Variants in PDE9A observed in about 807,000 individuals in gnomAD.
The protein encoded by PDE9A is phosphodiesterase 9A.
Under a neutral mutation model 87.4 loss-of-function variants are expected in PDE9A, and 60 were observed. That is an observed-to-expected ratio of 0.69 (90% CI 0.56 to 0.85). The LOEUF is 0.85. PDE9A is among the 40% of genes least tolerant of loss of function. PDE9A has a pLI of 0.00. For missense variants in PDE9A, 665 were observed against 779.0 expected, an observed-to-expected ratio of 0.85 and a Z score of 1.74; for synonymous variants, 272 against 279.4, an observed-to-expected ratio of 0.97 and a Z score of 0.27.
Position 42,708,636 on chromosome 21 carries a change from C to T in PDE9A, c.262+9625C>T, listed in dbSNP as rs533747496. 6.6e-5 allele frequency among the ~76,000 whole-genome samples: 10 copies of T among 152,344 alleles called. No homozygotes were observed. In the East Asian group the frequency reaches 1.9e-3, roughly 29 times the overall value. ...GTGGCGCGATCTCGGCTCACTGCAA[C>T]TTCTGCCTCCTGGGTTCAAGCAATT... On this transcript the variant is annotated intron_variant, in intron 4 of 19. Transcript: ENST00000291539.
At chr21:42,754,197 A>C in intron 10 of PDE9A, 133 bp downstream of exon 10, 3 of 609,564 alleles carry the variant, frequency 4.9e-6, no homozygotes, top group Non-Finnish European at 8.7e-6. Flanking sequence ...AAAAAAAAAA[A>C]CAAAACTTGT....
At chr21:42,663,980 C>T (rs1465184423) in intron 1 of PDE9A, among the ~76,000 whole-genome samples, 1 of 152,214 alleles carries the variant, frequency 6.6e-6, no homozygotes, top group African/African-American at 2.4e-5. Flanking sequence ...GATTCAGCCT[C>T]AGTCCCTGTG....
chr21:42,719,510 G>A (rs780672424), intron 4 of PDE9A, among the ~76,000 whole-genome samples: 9 of 126,952 alleles, frequency 7.1e-5, no homozygotes, highest in Middle Eastern at 3.8e-3. Flanking sequence ...GTGTGGTGGT[G>A]CATACCTGTA....
intron 1 of PDE9A, among the ~76,000 whole-genome samples, 177 bp downstream of exon 1, chr21:42,654,060 G>C (rs1442301427): frequency 1.4e-5 from 2 of 139,206 alleles, no homozygotes; most frequent in African/African-American, 5.2e-5. Flanking sequence ...GGAAAGGGGC[G>C]ACTCGCCCTG....
intron 4 of PDE9A, among the ~76,000 whole-genome samples, chr21:42,709,956 A>G (rs1371267686): frequency 6.6e-6 from 1 of 152,118 alleles, no homozygotes; most frequent in Non-Finnish European, 1.5e-5. Flanking sequence ...GTGGAGGGAC[A>G]TTTGGGTCAT....
rs752729346 is a variant in PDE9A at position 42,769,033 on chromosome 21, C to T, written c.1468C>T (p.Arg490Cys). 7.4e-6 allele frequency: 12 copies of T among 1,611,890 alleles called. No homozygotes were observed. The highest frequency in any genetic ancestry group is 2.2e-5 in the South Asian group (2 of 90,914). ...LLEEYFMQSD[R>C]EKSEGLPVAP... ...TCTGCTGCATTCCCTGCAGAGCGAC[C>T]GTGAGAAGTCAGAAGGCCTTCCTGT... The change falls in exon 17 of 20, where the codon CGT becomes TGT. Residue 490 changes from arginine (R) to cysteine (C), a missense_variant. Physicochemically the swap from Arg to Cys is radical, Grantham distance 180 (BLOSUM62 -3). Coordinates refer to ENST00000291539, the MANE Select transcript of PDE9A (RefSeq NM_002606.3).
At chr21:42,668,899 C>A in intron 1 of PDE9A, among the ~76,000 whole-genome samples, 1 of 109,378 alleles carries the variant, frequency 9.1e-6, no homozygotes, top group South Asian at 2.8e-4. Context: ...GCTCCCTCCA[C>A]CCCCCGCCAC....
At chr21:42,661,543 A>T (rs1427774517) in intron 1 of PDE9A, among the ~76,000 whole-genome samples, 7 of 151,968 alleles carry the variant, frequency 4.6e-5, no homozygotes, top group Non-Finnish European at 2.9e-5. Context: ...AGGTGCATCC[A>T]TGTTGTAGCA....
intron 4 of PDE9A, among the ~76,000 whole-genome samples, chr21:42,718,940 C>G (rs1246658865): frequency 6.6e-6 from 1 of 151,794 alleles, no homozygotes; most frequent in Non-Finnish European, 1.5e-5. Flanking sequence ...CCGTTACTCA[C>G]TGATCATCTG....
At chr21:42,664,461 G>A (rs2145871887) in intron 1 of PDE9A, among the ~76,000 whole-genome samples, 1 of 152,322 alleles carries the variant, frequency 6.6e-6, no homozygotes, top group African/African-American at 2.4e-5. Flanking sequence ...GGTTCTACCT[G>A]CTTTCCGGGC....
chr21:42,657,152 G>T (rs893761604), intron 1 of PDE9A, among the ~76,000 whole-genome samples: 4 of 152,232 alleles, frequency 2.6e-5, no homozygotes, highest in African/African-American at 9.6e-5. Flanking sequence ...GGAGCCCTTT[G>T]TGCAGAACTG....
intron 9 of PDE9A, among the ~76,000 whole-genome samples, chr21:42,751,564 C>T (rs1237459397): frequency 6.6e-6 from 1 of 152,164 alleles, no homozygotes; most frequent in African/African-American, 2.4e-5. Flanking sequence ...CTGAGCAATT[C>T]TTAGTTGTCC....
At position 42,659,494 on chromosome 21, in the gene PDE9A, G is replaced by T. The variant is rs547056761; in HGVS notation, c.69+5611G>T. On this transcript the variant is annotated intron_variant, in intron 1 of 19. Transcript: ENST00000291539. The surrounding 1 kb of genome is among the most constrained non-coding windows in gnomAD (Gnocchi z 4.1). ...AGTGGAGGCTCACTGTGCAGTCCAC[G>T]CGGAGCAATGGGGTGAAGTTTCCAG... Among the ~76,000 whole-genome samples the T allele has an allele frequency of 1.3e-5, 2 of 152,198 alleles. No individual in the cohort carries two copies. Among genetic ancestry groups the T allele is most frequent in the South Asian group, 4.1e-4 (2 of 4,834 alleles).
chr21:42,760,481 C>T lies in PDE9A; in HGVS notation c.1002+49C>T, dbSNP rs760272438. On this transcript the variant is annotated intron_variant, in intron 12 of 19. Coordinates refer to ENST00000291539, the MANE Select transcript of PDE9A (RefSeq NM_002606.3). This position sits in a 1 kb window ranked among gnomAD's most constrained non-coding sequence, Gnocchi z 5.2. ...CAGACCTCTACTCTCGGGGGTCAGA[C>T]GGAGGCCCCCTTCCAGGGAGCGGCA... The T allele has an allele frequency of 1.0e-4, 116 of 1,154,360 alleles. No homozygotes were observed. Among genetic ancestry groups the T allele is most frequent in the Middle Eastern group, 3.9e-4 (2 of 5,148 alleles). The allele number at this position is 1,154,360 out of a possible 1,614,324, so 71.5% of individuals were successfully genotyped here.
chr21:42,751,698 G>A (rs1038781745), intron 9 of PDE9A, among the ~76,000 whole-genome samples: 7 of 150,500 alleles, frequency 4.7e-5, no homozygotes, highest in South Asian at 4.2e-4. Context: ...CCGGTCACCC[G>A]CTCAACGCCT....
chr21:42,741,696 G>GGAAACGCCTCGAAACGCCTC (rs144000650), intron 7 of PDE9A: 12 of 151,504 alleles, frequency 7.9e-5, no homozygotes, highest in Admixed American at 4.6e-4. Flanking sequence ...CCCTGACCCT[G>GGAAACGCCTCGAAACGCCTC]GAAACGCCTC....
intron 7 of PDE9A, chr21:42,741,808 G>A (rs1209610405): frequency 1.3e-5 from 2 of 152,208 alleles, no homozygotes; most frequent in Non-Finnish European, 2.9e-5. Flanking sequence ...GTGGGAAGGA[G>A]TTGTTACAAA....
At chr21:42,662,656 C>A (rs1011033248) in intron 1 of PDE9A, among the ~76,000 whole-genome samples, 1 of 139,594 alleles carries the variant, frequency 7.2e-6, no homozygotes, top group Non-Finnish European at 1.5e-5. Flanking sequence ...CCACACCATG[C>A]ACACACACAC....
intron 1 of PDE9A, among the ~76,000 whole-genome samples, chr21:42,668,658 C>T (rs1390511893): frequency 6.6e-6 from 1 of 152,180 alleles, no homozygotes; most frequent in East Asian, 1.9e-4. Context: ...AGCGAAGCTA[C>T]GCAGAAAAAT....
Sources: gnomAD v4.1 joint callset for allele counts (sites outside exome capture counted in the v4.1 genomes callset) on GRCh38, gnomAD v4.1.1 for gene constraint, Gnocchi (gnomAD v3.1) non-coding constraint, MANE v1.5 for transcripts, NCBI Gene and HGNC (gene_info 2026-07-23, HGNC 2026-07-21) for gene names.